The following PAWR variants were observed in gnomAD, a reference collection of about 807,000 sequenced individuals.
PAWR encodes the protein pro-apoptotic WT1 regulator, also known as PRKC apoptosis WT1 regulator protein.
In PAWR, 23 loss-of-function variants were observed where a neutral mutation model predicts 32.0. The observed-to-expected ratio is 0.72, with a 90% CI of 0.52 to 1.02. PAWR has a LOEUF of 1.02. PAWR is among the 50% of genes least tolerant of loss of function. The pLI is 0.00. For missense variants in PAWR, 457 were observed against 437.7 expected (o/e 1.04, Z -0.39); for synonymous variants, 226 against 187.1 (o/e 1.21, Z -1.70).
intron 3 of PAWR, among the ~76,000 whole-genome samples, chr12:79,619,619 T>C (rs2136712592): frequency 6.6e-6 from 1 of 152,334 alleles, no homozygotes; most frequent in East Asian, 1.9e-4. Flanking sequence ...GGGGTACTGC[T>C]ATACTAGTAT....
At chr12:79,602,204 T>C (rs1014671315) in intron 4 of PAWR, among the ~76,000 whole-genome samples, 1 of 152,228 alleles carries the variant, frequency 6.6e-6, no homozygotes, top group African/African-American at 2.4e-5. Flanking sequence ...AAATAACTAT[T>C]ACACAGTAGT....
intron 2 of PAWR, among the ~76,000 whole-genome samples, chr12:79,633,955 C>T (rs73343686): frequency 0.013 from 2,006 of 152,066 alleles, 55 homozygotes; most frequent in African/African-American, 0.045. Flanking sequence ...AGAGGTAAGA[C>T]GGGCAGTGTG....
intron 5 of PAWR, 36 bp downstream of exon 5, chr12:79,596,475 T>G: frequency 9.5e-7 from 1 of 1,054,390 alleles, no homozygotes; most frequent in African/African-American, 1.6e-5. Context: ...AATGGTATAT[T>G]AATTTTATCA....
At chr12:79,641,833 G>A (rs900959745) in intron 2 of PAWR, among the ~76,000 whole-genome samples, 4 of 117,874 alleles carry the variant, frequency 3.4e-5, no homozygotes, top group East Asian at 2.6e-4. Context: ...GCAACCGAGC[G>A]AGACTCCGTC....
At chr12:79,612,904 T>C (rs763081485) in intron 4 of PAWR, among the ~76,000 whole-genome samples, 18 of 152,240 alleles carry the variant, frequency 1.2e-4, no homozygotes, top group Non-Finnish European at 2.2e-4. Flanking sequence ...TTACTCATTG[T>C]GTACAGGTGG....
Position 79,594,860 on chromosome 12 carries a change from G to C in PAWR, c.832-427C>G, listed in dbSNP as rs149988799. On this transcript the variant is annotated intron_variant, in intron 5 of 6. Coordinates refer to ENST00000328827, the MANE Select transcript of PAWR (RefSeq NM_002583.4). Reference sequence around the variant, plus strand: ...GCCTCCCAAGTAGCTGGAATTACAGGTGCATGCCACCATGCCTGGGTAATT... The same window carrying C: ...GCCTCCCAAGTAGCTGGAATTACAGCTGCATGCCACCATGCCTGGGTAATT... 3.2e-3 allele frequency among the ~76,000 whole-genome samples: 483 copies of C among 152,210 alleles called. 2 individuals carry two copies. Among genetic ancestry groups the C allele is most frequent in the African/African-American group, 0.011 (443 of 41,528 alleles).
chr12:79,631,020 A>T (rs1465784783), intron 2 of PAWR, among the ~76,000 whole-genome samples: 1 of 152,218 alleles, frequency 6.6e-6, no homozygotes, highest in Non-Finnish European at 1.5e-5. Context: ...CACTTTGTTT[A>T]ACCTTCAAAT....
At chr12:79,672,673 A>C (rs1592549390) in intron 2 of PAWR, among the ~76,000 whole-genome samples, 1 of 152,148 alleles carries the variant, frequency 6.6e-6, no homozygotes, top group Non-Finnish European at 1.5e-5. Context: ...GTATTAGATC[A>C]CATCCATACC....
chr12:79,613,731 TA>T (rs1353988503), intron 3 of PAWR, 122 bp from the exon 4 acceptor site: 5 of 475,606 alleles, frequency 1.1e-5, no homozygotes, highest in Non-Finnish European at 1.9e-5. Context: ...ATTACTGTTT[TA>T]AAAAATTCAC....
At chr12:79,598,611 T>A (rs1411933569) in intron 4 of PAWR, among the ~76,000 whole-genome samples, 1 of 152,216 alleles carries the variant, frequency 6.6e-6, no homozygotes, top group African/African-American at 2.4e-5. Flanking sequence ...TGATAGAAAA[T>A]AAAAGTGTCC....
Position 79,591,694 on chromosome 12 carries a change from A to C in PAWR, c.*913T>G, listed in dbSNP as rs1029693875. The C allele has an allele frequency of 6.6e-6, 1 of 152,096 alleles. No individual in the cohort carries two copies. Among genetic ancestry groups the C allele is most frequent in the African/African-American group, 2.4e-5 (1 of 41,440 alleles). The allele number at this position is 152,096 out of a possible 1,614,324, so 9.4% of individuals were successfully genotyped here. ...AAATTAGGCAAAGTATTTTAGTACT[A>C]TTTCTGCTTACATATTGTTTTGTAT... On this transcript the variant is annotated 3_prime_UTR_variant, in exon 7 of 7. Coordinates refer to ENST00000328827, the MANE Select transcript of PAWR (RefSeq NM_002583.4).
intron 2 of PAWR, among the ~76,000 whole-genome samples, chr12:79,627,366 T>C (rs1406984347): frequency 6.6e-6 from 1 of 152,146 alleles, no homozygotes; most frequent in African/African-American, 2.4e-5. Context: ...TTTCATGTGT[T>C]TTTTGGCTGC....
intron 2 of PAWR, among the ~76,000 whole-genome samples, chr12:79,632,706 G>C (rs1383068956): frequency 1.3e-5 from 2 of 151,642 alleles, no homozygotes; most frequent in African/African-American, 4.9e-5. Context: ...ATGTCATGAA[G>C]ATTCAACTGG....
intron 3 of PAWR, among the ~76,000 whole-genome samples, chr12:79,620,402 G>C (rs568808112): frequency 6.6e-6 from 1 of 152,252 alleles, no homozygotes; most frequent in South Asian, 2.1e-4. Context: ...GAGCTGCTTG[G>C]CATAGAGAAT....
intron 2 of PAWR, among the ~76,000 whole-genome samples, chr12:79,629,764 T>C (rs866897992): frequency 1.1e-4 from 17 of 152,208 alleles, no homozygotes; most frequent in Middle Eastern, 3.4e-3. Context: ...TGTGCAAACA[T>C]AAGATGATGA....
At chr12:79,667,208 A>G (rs537201385) in intron 2 of PAWR, among the ~76,000 whole-genome samples, 2 of 152,302 alleles carry the variant, frequency 1.3e-5, no homozygotes, top group Admixed American at 1.3e-4. Flanking sequence ...CACCTGTCTC[A>G]GATATTAATA....
At chr12:79,686,860 G>A (rs1878704557) in intron 2 of PAWR, among the ~76,000 whole-genome samples, 1 of 152,050 alleles carries the variant, frequency 6.6e-6, no homozygotes, top group Admixed American at 6.6e-5. Flanking sequence ...TGTTAACTCA[G>A]TACTTAAATT....
In PAWR at chr12:79,673,245, A is replaced by AT. The variant is rs547225557; in HGVS notation, c.516+16483dup. 6.2e-3 allele frequency among the ~76,000 whole-genome samples: 948 copies of AT among 151,818 alleles called. 36 individuals carry two copies. Among genetic ancestry groups the AT allele is most frequent in the South Asian group, 6.4e-3 (31 of 4,812 alleles). On this transcript the variant is annotated intron_variant, in intron 2 of 6. Transcript: ENST00000328827. Reference sequence around the variant, plus strand: ...CCACCACACCTGGCTAATTTTTTGTATTTTTAGTAGAGACGGGGTTTCACC... The same window carrying AT: ...CCACCACACCTGGCTAATTTTTTGTATTTTTTAGTAGAGACGGGGTTTCACC...
intron 2 of PAWR, among the ~76,000 whole-genome samples, chr12:79,623,984 C>T (rs1475131660): frequency 2.6e-5 from 4 of 151,896 alleles, no homozygotes; most frequent in Admixed American, 2.6e-4. Context: ...ATTTAATGAA[C>T]AGTAGGAGAA....
Sources: allele counts gnomAD v4.1 joint callset (sites outside exome capture counted in the v4.1 genomes callset), GRCh38; gene constraint gnomAD v4.1.1; transcripts MANE v1.5; gene names NCBI Gene and HGNC (gene_info 2026-07-23, HGNC 2026-07-21).